The following TDRD7 variants were observed in gnomAD, a reference collection of about 807,000 sequenced individuals.
The protein encoded by TDRD7 is tudor domain-containing protein 7.
A neutral mutation model predicts 109.8 loss-of-function variants in TDRD7; 47 were observed. The ratio of observed to expected loss-of-function variants is 0.43; its 90% CI spans 0.34 to 0.55. The LOEUF is 0.55. Among genes scored for constraint, TDRD7 ranks in the 20% least tolerant of loss-of-function variants. The pLI, the probability that TDRD7 is intolerant of heterozygous loss-of-function variation, is 0.03. For synonymous variants in TDRD7, 424 were observed against 457.3 expected, an observed-to-expected ratio of 0.93 and a Z score of 0.93; for missense variants, 1,164 against 1,319.2, an observed-to-expected ratio of 0.88 and a Z score of 1.82.
At chr9:97,468,620 A>G (rs1055816731) in intron 8 of TDRD7, among the ~76,000 whole-genome samples, 2 of 152,202 alleles carry the variant, frequency 1.3e-5, no homozygotes, top group African/African-American at 4.8e-5. Context: ...TCTGGTGGTA[A>G]GTACTGATTC....
At chr9:97,464,546 T>G (rs982194342) in intron 7 of TDRD7, among the ~76,000 whole-genome samples, 2 of 151,970 alleles carry the variant, frequency 1.3e-5, no homozygotes, top group Admixed American at 6.6e-5. Context: ...TTAGTAGAGA[T>G]AGGATTTCAC....
rs1289725817 is a variant in TDRD7 at position 97,475,607 on chromosome 9, T to A, written c.2166+138T>A. The A allele has an allele frequency of 4.1e-6, 3 of 723,492 alleles. No homozygotes were observed. The East Asian group carries it at 8.1e-5, about 20-fold the overall frequency. The allele number at this position is 723,492 out of a possible 1,614,324, so 44.8% of individuals were successfully genotyped here. On this transcript the variant is annotated intron_variant, in intron 12 of 16. Coordinates refer to ENST00000355295, the MANE Select transcript of TDRD7 (RefSeq NM_014290.3). ...ATGAAATAAAACATGACCAGTATGGTTGAAATTTCCTGGTTGAAGTTATGG... is the reference window on the plus strand; with the variant it reads ...ATGAAATAAAACATGACCAGTATGGATGAAATTTCCTGGTTGAAGTTATGG...
chr9:97,459,005 A>G (rs1403566008), intron 6 of TDRD7, among the ~76,000 whole-genome samples: 1 of 152,222 alleles, frequency 6.6e-6, no homozygotes, highest in African/African-American at 2.4e-5. Context: ...GTAAACTTGT[A>G]ATTATTACCC....
At chr9:97,473,778 C>A in intron 11 of TDRD7, 152 bp downstream of exon 11, 1 of 1,003,594 alleles carries the variant, frequency 1.0e-6, no homozygotes, top group Non-Finnish European at 1.5e-6. Flanking sequence ...TAAAGAGCTC[C>A]AGACTTCAGA....
At chr9:97,464,355 A>C (rs910167868) in intron 7 of TDRD7, among the ~76,000 whole-genome samples, 1 of 152,058 alleles carries the variant, frequency 6.6e-6, no homozygotes, top group Admixed American at 6.6e-5. Flanking sequence ...TGCAGTCTCC[A>C]TTGTCCCTTA....
chr9:97,439,323 G>T lies in TDRD7; in HGVS notation c.637+5G>T. 6.2e-7 allele frequency: 1 copy of T among 1,600,934 alleles called. No homozygotes were observed. ...CCTCTACTAAGGAAATGAGTGGTAT[G>T]TTTTCCAAACATTTTTGAGATACAT... On this transcript the variant is annotated splice_donor_5th_base_variant and intron_variant, in intron 5 of 16. Coordinates refer to ENST00000355295, the MANE Select transcript of TDRD7 (RefSeq NM_014290.3).
chr9:97,472,176 A>T, intron 9 of TDRD7, 117 bp from the exon 10 acceptor site: 1 of 888,620 alleles, frequency 1.1e-6, no homozygotes, highest in Non-Finnish European at 1.8e-6. Flanking sequence ...TATAAAATTT[A>T]ATAATTTTGC....
At chr9:97,486,551 T>G (rs1829214656) in intron 15 of TDRD7, among the ~76,000 whole-genome samples, 1 of 152,164 alleles carries the variant, frequency 6.6e-6, no homozygotes, top group African/African-American at 2.4e-5. Flanking sequence ...TTGTCATAAT[T>G]AAAATTGCAA....
chr9:97,439,852 A>G (rs1587867214), intron 5 of TDRD7, among the ~76,000 whole-genome samples: 3 of 152,222 alleles, frequency 2.0e-5, no homozygotes, highest in African/African-American at 4.8e-5. Flanking sequence ...GAGACATAGT[A>G]TAAGTCAAAG....
rs985857337 is a variant in TDRD7 at position 97,412,254 on chromosome 9, G to T, written c.-7+16G>T. 5.2e-4 allele frequency: 79 copies of T among 152,474 alleles called. No individual in the cohort carries two copies. Among genetic ancestry groups the T allele is most frequent in the African/African-American group, 1.8e-3 (74 of 41,568 alleles). 9.4% of individuals were successfully genotyped at this position (152,474 alleles called of 1,614,324 possible). On this transcript the variant is annotated intron_variant, in intron 1 of 16. Transcript: ENST00000355295. The surrounding 1 kb of genome is among the most constrained non-coding windows in gnomAD (Gnocchi z 4.3). Reference sequence around the variant, plus strand: ...CCGGAACGAGGTGAGTGCAGGTCCTGCGGGCTCCGGGCGCGACAGGTGCCG... The same window carrying T: ...CCGGAACGAGGTGAGTGCAGGTCCTTCGGGCTCCGGGCGCGACAGGTGCCG...
rs150379400 is a variant in TDRD7, at chr9:97,482,937, G to A, written c.2501G>A (p.Arg834His). ...CCTGACCCTCATCGCAGTATTAATC[G>A]CCAGATTACAAATGCAGACTTGTGG... ...NFPDPHRSIN[R>H]QITNADLWKH... Residue 834 changes from arginine to histidine, a missense_variant, in exon 15 of 17, where the codon CGC (arginine) becomes CAC (histidine). Arg to His is a conservative substitution (Grantham distance 29). This residue lies in a region of TDRD7 where 233 missense variants were observed against 218.0 expected (regional missense o/e 1.07). Coordinates refer to ENST00000355295, the MANE Select transcript of TDRD7 (RefSeq NM_014290.3). The A allele has an allele frequency of 5.5e-5, 88 of 1,614,044 alleles. No individual in the cohort carries two copies. The highest frequency in any genetic ancestry group is 2.8e-4 in the African/African-American group (21 of 74,992).
intron 2 of TDRD7, among the ~76,000 whole-genome samples, 180 bp from the exon 3 acceptor site, chr9:97,430,753 A>C (rs1176058319): frequency 6.6e-6 from 1 of 152,216 alleles, no homozygotes; most frequent in African/African-American, 2.4e-5. Context: ...ACTATGCCAG[A>C]TTCCTCTTGC....
chr9:97,442,716 A>G (rs1828330728), intron 6 of TDRD7, among the ~76,000 whole-genome samples: 2 of 152,082 alleles, frequency 1.3e-5, no homozygotes, highest in Non-Finnish European at 2.9e-5. Flanking sequence ...TCTTTAACAT[A>G]TATTTTGGCC....
intron 14 of TDRD7, 70 bp from the exon 15 acceptor site, chr9:97,482,779 T>G (rs1240600895): frequency 2.0e-6 from 3 of 1,524,962 alleles, no homozygotes; most frequent in Non-Finnish European, 2.7e-6. Context: ...ATGATTAAGG[T>G]TACTATAACT....
intron 3 of TDRD7, among the ~76,000 whole-genome samples, chr9:97,431,631 G>C (rs1828105422): frequency 6.6e-6 from 1 of 152,138 alleles, no homozygotes; most frequent in Non-Finnish European, 1.5e-5. Flanking sequence ...TAGGACAAGG[G>C]AGCAATCATT....
intron 13 of TDRD7, 179 bp downstream of exon 13, chr9:97,478,752 A>C (rs1485001390): frequency 9.0e-6 from 7 of 781,500 alleles, no homozygotes; most frequent in Non-Finnish European, 1.3e-5. Context: ...CAAGAAGACC[A>C]GTCATATTTA....
chr9:97,482,463 C>T (rs947701001), intron 14 of TDRD7, among the ~76,000 whole-genome samples: 1 of 152,118 alleles, frequency 6.6e-6, no homozygotes, highest in Non-Finnish European at 1.5e-5. Flanking sequence ...ATTATTGATG[C>T]TGGGTGATGA....
At position 97,428,841 on chromosome 9, in the gene TDRD7, T is replaced by C. The variant is rs60564655; in HGVS notation, c.207+169T>C. 0.46 allele frequency among the ~76,000 whole-genome samples: 69,383 copies of C among 152,114 alleles called. 15,904 individuals carry two copies. The highest frequency in any genetic ancestry group is 0.52 in the Admixed American group (7,879 of 15,286). On this transcript the variant is annotated intron_variant, in intron 2 of 16. Coordinates refer to ENST00000355295, the MANE Select transcript of TDRD7 (RefSeq NM_014290.3). Reference sequence around the variant, plus strand: ...ATGTAAAGCACAGCCTACATTCTTATGTCTTTTTCTTATTCCTCAAATTCT... The same window carrying C: ...ATGTAAAGCACAGCCTACATTCTTACGTCTTTTTCTTATTCCTCAAATTCT...
intron 14 of TDRD7, among the ~76,000 whole-genome samples, chr9:97,481,476 A>T (rs1288239166): frequency 1.3e-5 from 2 of 152,204 alleles, no homozygotes; most frequent in Admixed American, 6.5e-5. Flanking sequence ...TTGCTCATAT[A>T]TCCAAGAATA....
Sources: gnomAD v4.1 joint callset for allele counts (sites outside exome capture counted in the v4.1 genomes callset) on GRCh38, gnomAD v4.1.1 for gene constraint, gnomAD v4.1.1 regional missense constraint, Gnocchi (gnomAD v3.1) non-coding constraint, MANE v1.5 for transcripts, NCBI Gene and HGNC (gene_info 2026-07-23, HGNC 2026-07-21) for gene names.